The following DIP2A variants were observed in gnomAD, a reference collection of about 807,000 sequenced individuals.
The protein encoded by DIP2A is DIP2 acetate--CoA ligase A.
In DIP2A, 85 loss-of-function variants were observed where a neutral mutation model predicts 177.4. That is an observed-to-expected ratio of 0.48 (90% CI 0.40 to 0.57). The LOEUF (loss-of-function observed/expected upper bound fraction) is 0.57, where lower values mean the gene tolerates loss of function less well. Ranked by LOEUF, DIP2A falls within the 20% of genes least tolerant of loss-of-function variation. The probability of loss-of-function intolerance (pLI) is 0.00; values close to 1 mark genes in which losing one functional copy is unlikely to be tolerated. For synonymous variants in DIP2A, 886 were observed against 881.8 expected (o/e 1.00, Z -0.08); for missense variants, 1,791 against 2,100.2 (o/e 0.85, Z 2.88).
At chr21:46,474,623 A>G (rs1269160291) in intron 1 of DIP2A, among the ~76,000 whole-genome samples, 3 of 152,058 alleles carry the variant, frequency 2.0e-5, no homozygotes, top group African/African-American at 7.2e-5. Context: ...GAAATGGTTG[A>G]AGAGGTTTTT....
In DIP2A at chr21:46,554,609, G is replaced by A. The variant is rs764132769; in HGVS notation, c.3189G>A (p.Leu1063=). The A allele has an allele frequency of 1.9e-5, 31 of 1,610,658 alleles. No homozygotes were observed. The highest frequency in any genetic ancestry group is 2.6e-5 in the Non-Finnish European group (31 of 1,178,632). The change falls in exon 27 of 38, where the codon TTG becomes TTA. Residue 1063 remains leucine (L), a synonymous_variant. Transcript: ENST00000417564. ...TCATTGCCGCGTTCTATGGCTGCTT[G>A]TACTGTGGCTGCGTGCCTGTCACCG... ...VDLIAAFYGC[L]YCGCVPVTVR... is the part of the protein sequence containing the mutation.
At chr21:46,484,864 A>G (rs753090145) in intron 2 of DIP2A, 36 bp downstream of exon 2, 4 of 1,492,116 alleles carry the variant, frequency 2.7e-6, no homozygotes, top group South Asian at 2.6e-5. Context: ...CATAGCAATT[A>G]TATTGTTTCA....
At chr21:46,480,465 A>G (rs1487427296) in intron 1 of DIP2A, among the ~76,000 whole-genome samples, 1 of 152,108 alleles carries the variant, frequency 6.6e-6, no homozygotes, top group Non-Finnish European at 1.5e-5. Context: ...GAGCCAGACC[A>G]TATCAGGTGT....
Position 46,560,880 on chromosome 21 carries a change from T to C in DIP2A, c.4031+97T>C, listed in dbSNP as rs2060640169. 1.8e-5 allele frequency: 27 copies of C among 1,519,222 alleles called. No individual in the cohort carries two copies. The South Asian group carries it at 3.1e-4, about 18-fold the overall frequency. 94.1% of individuals were successfully genotyped at this position (1,519,222 alleles called of 1,614,324 possible). On this transcript the variant is annotated intron_variant, in intron 33 of 37. Coordinates refer to ENST00000417564, the MANE Select transcript of DIP2A (RefSeq NM_015151.4). Reference sequence around the variant, plus strand: ...CTATGCACCCCCGGGACCCAGGCATTAGAGGACGGCGGGGCCAAGTCAGGC... The same window carrying C: ...CTATGCACCCCCGGGACCCAGGCATCAGAGGACGGCGGGGCCAAGTCAGGC...
chr21:46,527,242 A>G (rs1461986592), intron 8 of DIP2A, among the ~76,000 whole-genome samples: 1 of 150,534 alleles, frequency 6.6e-6, no homozygotes, highest in African/African-American at 2.4e-5. Context: ...AGCTGGATTC[A>G]GTTTGAAATT....
intron 1 of DIP2A, among the ~76,000 whole-genome samples, chr21:46,461,468 G>A (rs899266026): frequency 1.3e-5 from 2 of 151,930 alleles, no homozygotes; most frequent in African/African-American, 2.4e-5. Flanking sequence ...ATATTTTTGC[G>A]TATTGCTCCT....
At chr21:46,535,944 A>G (rs948893572) in intron 13 of DIP2A, among the ~76,000 whole-genome samples, 2 of 152,270 alleles carry the variant, frequency 1.3e-5, no homozygotes, top group East Asian at 3.9e-4. Flanking sequence ...ACCTTCTAGG[A>G]GTGGGGAACC....
At chr21:46,469,851 AGTGTG>A (rs2148308775) in intron 1 of DIP2A, among the ~76,000 whole-genome samples, 1 of 152,124 alleles carries the variant, frequency 6.6e-6, no homozygotes, top group Admixed American at 6.5e-5. Flanking sequence ...CCTTTCACGT[AGTGTG>A]TCCTCAGTGA....
chr21:46,510,450 G>A (rs1422577022), intron 7 of DIP2A, among the ~76,000 whole-genome samples: 1 of 152,038 alleles, frequency 6.6e-6, no homozygotes, highest in Non-Finnish European at 1.5e-5. Flanking sequence ...ATCAATATTA[G>A]CCATCACACA....
At chr21:46,462,158 C>A (rs1034077463) in intron 1 of DIP2A, among the ~76,000 whole-genome samples, 3 of 152,198 alleles carry the variant, frequency 2.0e-5, no homozygotes, top group Admixed American at 6.5e-5. Context: ...ACTGGCCTGA[C>A]ACTTTTCTTT....
intron 20 of DIP2A, chr21:46,546,222 G>T: frequency 7.7e-7 from 1 of 1,291,700 alleles, no homozygotes; most frequent in Non-Finnish European, 9.8e-7. Flanking sequence ...TTTATATGGA[G>T]TGGCAGGTTT....
intron 8 of DIP2A, among the ~76,000 whole-genome samples, chr21:46,514,679 AGT>A (rs2058489755): frequency 8.1e-6 from 1 of 123,900 alleles, no homozygotes; most frequent in Non-Finnish European, 1.6e-5. Context: ...CCTCCAGTAC[AGT>A]GTGAAATAGA....
intron 1 of DIP2A, among the ~76,000 whole-genome samples, chr21:46,473,767 C>T (rs1010520032): frequency 1.3e-5 from 2 of 152,148 alleles, no homozygotes; most frequent in Admixed American, 6.5e-5. Context: ...CCACCCACTT[C>T]GGCCTCCCAA....
intron 8 of DIP2A, among the ~76,000 whole-genome samples, chr21:46,514,893 A>G (rs1034480438): frequency 7.2e-5 from 11 of 152,094 alleles, no homozygotes; most frequent in African/African-American, 1.9e-4. Context: ...TTCTGCTGCT[A>G]GAAAGAAGAT....
intron 1 of DIP2A, among the ~76,000 whole-genome samples, chr21:46,479,446 G>A (rs893900697): frequency 3.3e-5 from 5 of 152,118 alleles, no homozygotes; most frequent in African/African-American, 9.7e-5. Context: ...TAAAAAGCCC[G>A]CTTTTAATTA....
chr21:46,542,739 G>A (rs924400744), intron 18 of DIP2A, among the ~76,000 whole-genome samples: 5 of 152,224 alleles, frequency 3.3e-5, no homozygotes, highest in Non-Finnish European at 5.9e-5. Context: ...CAGCTGTCAG[G>A]GCCCCTTTTG....
chr21:46,564,134 A>T (rs1242407298), intron 35 of DIP2A, among the ~76,000 whole-genome samples: 1 of 152,222 alleles, frequency 6.6e-6, no homozygotes, highest in East Asian at 1.9e-4. Flanking sequence ...CCTCATCCCT[A>T]GGTTGACCTA....
chr21:46,565,753 C>T lies in DIP2A; in HGVS notation c.4205C>T (p.Thr1402Ile). ...SSPHNATGYY[T>I]VYGEEALHAD... ...CCCCACAATGCCACCGGGTACTACA[C>T]CGTTTACGGGGAGGAGGCGCTTCAT... Residue 1402 changes from threonine (T) to isoleucine (I), a missense_variant, in exon 36 of 38, where the codon ACC becomes ATC. Transcript: ENST00000417564. 2.5e-6 allele frequency: 4 copies of T among 1,613,982 alleles called. No homozygotes were observed. Among genetic ancestry groups the T allele is most frequent in the Non-Finnish European group, 3.4e-6 (4 of 1,179,888 alleles).
chr21:46,496,998 T>G lies in DIP2A; in HGVS notation c.294T>G (p.Thr98=). The G allele has an allele frequency of 6.2e-7, 1 of 1,612,250 alleles. No homozygotes were observed. The highest frequency in any genetic ancestry group is 1.1e-5 in the South Asian group (1 of 90,792). The change falls in exon 4 of 38, where the codon ACT becomes ACG. Residue 98 remains threonine, a synonymous_variant. Coordinates refer to ENST00000417564, the MANE Select transcript of DIP2A (RefSeq NM_015151.4). ...GTCCTTCCTGTGTAGATGTCCACAC[T>G]GAAGCCGTGCAAGCAGCTTTGGCCA... ...RDERFRSDVH[T]EAVQAALAKY... is the part of the protein sequence containing the mutation.
Sources: allele counts gnomAD v4.1 joint callset (sites outside exome capture counted in the v4.1 genomes callset), GRCh38; gene constraint gnomAD v4.1.1; transcripts MANE v1.5; gene names NCBI Gene and HGNC (gene_info 2026-07-23, HGNC 2026-07-21).